The following XPO5 variants were observed in gnomAD, a reference collection of about 807,000 sequenced individuals.
XPO5 encodes exportin 5, also known as exportin-5.
XPO5 carries 46 observed loss-of-function variants against 160.6 expected under a neutral mutation model. The observed-to-expected ratio is 0.29, with a 90% CI of 0.23 to 0.37. The LOEUF is 0.37. Among genes scored for constraint, XPO5 ranks in the 10% least tolerant of loss-of-function variants. The pLI is 1.00. For synonymous variants in XPO5, 537 were observed against 519.3 expected, an observed-to-expected ratio of 1.03 and a Z score of -0.46; for missense variants, 1,090 against 1,463.9, an observed-to-expected ratio of 0.74 and a Z score of 4.17.
Position 43,572,583 on chromosome 6 carries a change from C to A in XPO5, c.228-5G>T. 6.2e-7 allele frequency: 1 copy of A among 1,613,866 alleles called. No homozygotes were observed. The highest frequency in any genetic ancestry group is 1.7e-4 in the Middle Eastern group (1 of 6,060). On this transcript the variant is annotated splice_region_variant and splice_polypyrimidine_tract_variant and intron_variant, in intron 2 of 31. Transcript: ENST00000265351. ...GACATGCCGTTCCACCGAAACCTGA[C>A]CACCAAAATGCATAAAGTCAATAGA...
chr6:43,573,448 G>T (rs750271946), intron 2 of XPO5, 32 bp downstream of exon 2: 2 of 1,610,896 alleles, frequency 1.2e-6, no homozygotes, highest in African/African-American at 2.7e-5. Context: ...TGTTCTCTCA[G>T]ACTTCAGTGG....
intron 20 of XPO5, among the ~76,000 whole-genome samples, chr6:43,535,670 C>T (rs1384045319): frequency 6.6e-6 from 1 of 151,654 alleles, no homozygotes; most frequent in South Asian, 2.1e-4. Context: ...CTAAATTAGC[C>T]AGACATGGTG....
At chr6:43,525,259 G>A (rs1383719182) in intron 28 of XPO5, 45 bp from the exon 29 acceptor site, 1 of 1,517,598 alleles carries the variant, frequency 6.6e-7, no homozygotes, top group South Asian at 1.2e-5. Context: ...AAGAAGCACA[G>A]TTTTCTCTGA....
In XPO5 at chr6:43,568,696, A is replaced by T. The variant is rs373794374; in HGVS notation, c.648+15T>A. 125 of 1,575,282 alleles carry T rather than the reference A, an allele frequency of 7.9e-5. No individual in the cohort carries two copies. The highest frequency in any genetic ancestry group is 1.1e-4 in the Non-Finnish European group (124 of 1,159,692). The stretch of plus-strand genomic sequence containing the variant: ...GGTTCAAAGGTCTCCTTCAAACTTT[A>T]TAAAGAGCTCTTACCTTTGACTCCT... On this transcript the variant is annotated intron_variant, in intron 6 of 31. Coordinates refer to ENST00000265351, the MANE Select transcript of XPO5 (RefSeq NM_020750.3).
intron 26 of XPO5, 61 bp from the exon 27 acceptor site, chr6:43,526,808 C>T: frequency 1.3e-6 from 2 of 1,548,966 alleles, no homozygotes; most frequent in Non-Finnish European, 1.8e-6. Flanking sequence ...CAACAGCCAC[C>T]TCAGGCCCAC....
At chr6:43,553,716 T>G in intron 13 of XPO5, 1 of 1,001,304 alleles carries the variant, frequency 1.0e-6, no homozygotes. Context: ...GTTCCTACCA[T>G]GCCTCCTCCT....
chr6:43,534,690 C>T (rs773323364), intron 20 of XPO5, among the ~76,000 whole-genome samples: 2 of 152,074 alleles, frequency 1.3e-5, no homozygotes, highest in African/African-American at 2.4e-5. Flanking sequence ...ATAGTTTGTT[C>T]TTTTTGTTCT....
chr6:43,567,056 C>A, intron 7 of XPO5, 113 bp downstream of exon 7: 2 of 1,177,156 alleles, frequency 1.7e-6, no homozygotes, highest in South Asian at 1.7e-5. Context: ...GTAAGTTGGC[C>A]CCAAGGAAAA....
intron 10 of XPO5, 83 bp from the exon 11 acceptor site, chr6:43,560,386 T>G (rs1171309158): frequency 1.2e-5 from 17 of 1,446,558 alleles, no homozygotes; most frequent in Non-Finnish European, 1.5e-5. Flanking sequence ...TCAACTACAT[T>G]TTTTCATAGA....
Position 43,550,003 on chromosome 6 carries a change from C to T in XPO5, c.1729-69G>A, listed in dbSNP as rs987072194. The T allele has an allele frequency of 2.4e-5, 37 of 1,522,720 alleles. No homozygotes were observed. The Admixed American group carries it at 5.4e-4, about 22-fold the overall frequency. The allele number at this position is 1,522,720 out of a possible 1,614,324, so 94.3% of individuals were successfully genotyped here. A position where few individuals can be genotyped will look rare whatever the true frequency, so the allele number is the denominator to read the frequency against. ...TAGAGATGAGATCTTGCTATGTTGC[C>T]CAGACTAGACTTGAATTCCTGGGCT... is the stretch of plus-strand genomic sequence containing the variant. On this transcript the variant is annotated intron_variant, in intron 15 of 31. Transcript: ENST00000265351.
chr6:43,552,052 C>T (rs1463074255), intron 14 of XPO5, among the ~76,000 whole-genome samples: 1 of 152,162 alleles, frequency 6.6e-6, no homozygotes, highest in Non-Finnish European at 1.5e-5. Flanking sequence ...GATCAAGAGG[C>T]TGAATGTTTT....
chr6:43,529,553 C>CAA (rs1186641934), intron 23 of XPO5: 2,871 of 101,678 alleles, frequency 0.028, 40 homozygotes, highest in Non-Finnish European at 0.035. Flanking sequence ...GACTCCGTCT[C>CAA]AAAAAAAAAA....
Position 43,541,419 on chromosome 6 carries a change from A to G in XPO5, c.2342+5152T>C, listed in dbSNP as rs1051571075. Among the ~76,000 whole-genome samples the G allele has an allele frequency of 3.9e-5, 6 of 152,360 alleles. No homozygotes were observed. The South Asian group carries it at 1.2e-3, about 32-fold the overall frequency. ...ACTGTGTACCCACAAAACTTTAAAA[A>G]ACTAACAAAAAACATCCCCACCAAA... On this transcript the variant is annotated intron_variant, in intron 20 of 31. Coordinates refer to ENST00000265351, the MANE Select transcript of XPO5 (RefSeq NM_020750.3).
At chr6:43,542,455 G>C (rs936584908) in intron 20 of XPO5, among the ~76,000 whole-genome samples, 5 of 151,948 alleles carry the variant, frequency 3.3e-5, no homozygotes, top group African/African-American at 1.2e-4. Context: ...TGTTGCCCAG[G>C]CTGGAGTACG....
At chr6:43,539,294 A>C (rs1416189507) in intron 20 of XPO5, 1 of 1,539,406 alleles carries the variant, frequency 6.5e-7, no homozygotes, top group African/African-American at 1.4e-5. Context: ...ACCCAGACCG[A>C]CGTGGCCACT....
intron 5 of XPO5, among the ~76,000 whole-genome samples, chr6:43,569,217 G>A (rs921361348): frequency 6.6e-6 from 1 of 151,490 alleles, no homozygotes; most frequent in Non-Finnish European, 1.5e-5. Flanking sequence ...ACTCGAACCC[G>A]GGAGGCAGAG....
intron 20 of XPO5, among the ~76,000 whole-genome samples, chr6:43,545,273 G>A (rs762068840): frequency 5.3e-5 from 8 of 152,188 alleles, no homozygotes; most frequent in Non-Finnish European, 7.3e-5. Flanking sequence ...TTGGTTCTCA[G>A]GCTTCAGGTC....
rs886875201 is a variant in XPO5, at chr6:43,554,280, A to AT, written c.1442-778dup. 2.8e-3 allele frequency among the ~76,000 whole-genome samples: 397 copies of AT among 142,022 alleles called. 2 individuals are homozygous for AT. The highest frequency in any genetic ancestry group is 7.4e-3 in the African/African-American group (287 of 38,790). The allele number at this position is 142,022 out of a possible 152,430, so 93.2% of individuals were successfully genotyped here. Reference sequence around the variant, plus strand: ...GCCACCATGCCCGGCTAATTTTTGTATTTTTTTTTTTTAGTAGAGACGAGG... The same window carrying AT: ...GCCACCATGCCCGGCTAATTTTTGTATTTTTTTTTTTTTAGTAGAGACGAGG... On this transcript the variant is annotated intron_variant, in intron 13 of 31. Transcript: ENST00000265351.
At chr6:43,561,174 A>G (rs1241345116) in intron 9 of XPO5, among the ~76,000 whole-genome samples, 167 bp from the exon 10 acceptor site, 1 of 152,194 alleles carries the variant, frequency 6.6e-6, no homozygotes, top group Non-Finnish European at 1.5e-5. Context: ...GGGCTAAAAT[A>G]TAGGTTACTT....
Sources: allele counts gnomAD v4.1 joint callset (sites outside exome capture counted in the v4.1 genomes callset), GRCh38; gene constraint gnomAD v4.1.1; transcripts MANE v1.5; gene names NCBI Gene and HGNC (gene_info 2026-07-23, HGNC 2026-07-21).